Variants in GRM1 observed in about 807,000 individuals in gnomAD.
The protein encoded by GRM1 is glutamate metabotropic receptor 1.
GRM1 carries 33 observed loss-of-function variants against 90.9 expected under a neutral mutation model. The observed-to-expected ratio is 0.36, with a 90% CI of 0.28 to 0.49. The LOEUF (loss-of-function observed/expected upper bound fraction) is 0.49. Ranked by LOEUF, GRM1 falls within the 20% of genes least tolerant of loss-of-function variation. GRM1 has a pLI of 0.99. For synonymous variants in GRM1, 700 were observed against 613.2 expected (o/e 1.14, Z -2.09); for missense variants, 1,190 against 1,534.3 (o/e 0.78, Z 3.75).
Position 146,209,499 on chromosome 6 carries a change from A to C in GRM1, c.950+49902A>C, listed in dbSNP as rs960586883. On this transcript the variant is annotated intron_variant, in intron 2 of 7. Transcript: ENST00000282753. Reference sequence around the variant, plus strand: ...ATGAACCATCACATAAAAGGCTGACAGTCCATGGTGGCTTCAGGCACATGA... The same window carrying C: ...ATGAACCATCACATAAAAGGCTGACCGTCCATGGTGGCTTCAGGCACATGA... Among the ~76,000 whole-genome samples the C allele has an allele frequency of 3.3e-5, 5 of 152,172 alleles. No homozygotes were observed. In the South Asian group the frequency reaches 1.0e-3, roughly 31 times the overall value.
intron 2 of GRM1, among the ~76,000 whole-genome samples, chr6:146,300,299 T>G (rs1428347184): frequency 6.6e-6 from 1 of 152,226 alleles, no homozygotes; most frequent in Non-Finnish European, 1.5e-5. Flanking sequence ...TTACTGTCAG[T>G]TTGCTAATTA....
At position 146,386,952 on chromosome 6, in the gene GRM1, T is replaced by C. The variant is rs774404595; in HGVS notation, c.1665T>C (p.Tyr555=). The C allele has an allele frequency of 6.8e-6, 11 of 1,612,412 alleles. No individual in the cohort carries two copies. Among genetic ancestry groups the C allele is most frequent in the East Asian group, 2.2e-5 (1 of 44,864 alleles). Residue 555 remains tyrosine (Y), a synonymous_variant, in exon 6 of 8, where the codon TAT becomes TAC. Coordinates refer to ENST00000282753, the MANE Select transcript of GRM1 (RefSeq NM_001278064.2). ...GCACGGCCTGCAAAGAGAATGAATA[T>C]GTGCAAGATGAGTTCACCTGCAAAG... ...WICTACKENE[Y]VQDEFTCKAC...
rs1308262302 is a variant in GRM1, at chr6:146,437,195, A to G, written c.*2399A>G. 1 of 152,194 alleles carries G rather than the reference A, an allele frequency of 6.6e-6. No homozygotes were observed. The highest frequency in any genetic ancestry group is 1.5e-5 in the Non-Finnish European group (1 of 68,026). The allele number at this position is 152,194 out of a possible 1,614,324, so 9.4% of individuals were successfully genotyped here. ...CTTATTTTTTACTCTTAATGCCACT[A>G]ATATACATCCCTAATATCACAGGGC... On this transcript the variant is annotated 3_prime_UTR_variant, in exon 8 of 8. Transcript: ENST00000282753.
In GRM1 at chr6:146,437,038, C is replaced by CA. The variant is rs1778614368; in HGVS notation, c.*2242_*2243insA. 6.6e-6 allele frequency: 1 copy of CA among 152,100 alleles called. No homozygotes were observed. The highest frequency in any genetic ancestry group is 2.4e-5 in the African/African-American group (1 of 41,414). The allele number at this position is 152,100 out of a possible 1,614,324, so 9.4% of individuals were successfully genotyped here. Reference sequence around the variant, plus strand: ...AAAGATCTCATGACTGAGATGTGGACTTTGGTTCCATGTTTTCATTGTAAG... The same window carrying CA: ...AAAGATCTCATGACTGAGATGTGGACATTTGGTTCCATGTTTTCATTGTAAG... On this transcript the variant is annotated 3_prime_UTR_variant, in exon 8 of 8. Coordinates refer to ENST00000282753, the MANE Select transcript of GRM1 (RefSeq NM_001278064.2).
chr6:146,389,384 T>A (rs888287881), intron 6 of GRM1, among the ~76,000 whole-genome samples: 7 of 151,094 alleles, frequency 4.6e-5, no homozygotes, highest in East Asian at 1.9e-4. Flanking sequence ...ATTAAAAAAA[T>A]TTCTATCCTA....
intron 2 of GRM1, among the ~76,000 whole-genome samples, chr6:146,223,369 C>T (rs995541282): frequency 1.3e-5 from 2 of 152,050 alleles, no homozygotes; most frequent in Non-Finnish European, 2.9e-5. Context: ...TCTTGAAAAA[C>T]ACTCCAGGAA....
intron 7 of GRM1, among the ~76,000 whole-genome samples, chr6:146,420,517 G>A (rs1777954805): frequency 6.6e-6 from 1 of 152,210 alleles, no homozygotes; most frequent in South Asian, 2.1e-4. Flanking sequence ...CTACTTAGGA[G>A]AGGAAATGGT....
intron 2 of GRM1, among the ~76,000 whole-genome samples, chr6:146,174,007 G>A (rs1429182437): frequency 6.6e-6 from 1 of 151,858 alleles, no homozygotes; most frequent in Non-Finnish European, 1.5e-5. Context: ...TTTATGTCAG[G>A]TGTGCTCACA....
chr6:146,272,599 A>G (rs1454641438), intron 2 of GRM1, among the ~76,000 whole-genome samples: 3 of 152,224 alleles, frequency 2.0e-5, no homozygotes, highest in Non-Finnish European at 2.9e-5. Context: ...TGAGAATACT[A>G]CAAATATTTT....
chr6:146,131,962 G>A (rs1216701342), intron 1 of GRM1, among the ~76,000 whole-genome samples: 1 of 152,164 alleles, frequency 6.6e-6, no homozygotes, highest in East Asian at 1.9e-4. Flanking sequence ...TGATGAATAG[G>A]AGTAAGCCTA....
intron 2 of GRM1, among the ~76,000 whole-genome samples, chr6:146,215,436 A>G (rs573428915): frequency 1.1e-4 from 17 of 152,044 alleles, no homozygotes; most frequent in Non-Finnish European, 2.2e-4. Flanking sequence ...CATACTTCCT[A>G]ATATTACAAA....
chr6:146,152,321 C>T (rs1212395166), intron 1 of GRM1, among the ~76,000 whole-genome samples: 1 of 151,898 alleles, frequency 6.6e-6, no homozygotes, highest in Non-Finnish European at 1.5e-5. Flanking sequence ...ATCAGGCCCA[C>T]TTTCCTTCTT....
intron 1 of GRM1, among the ~76,000 whole-genome samples, chr6:146,104,211 C>T (rs1010028771): frequency 2.6e-5 from 4 of 152,086 alleles, no homozygotes; most frequent in African/African-American, 7.2e-5. Context: ...GAGGCCGAGG[C>T]GGGCGGATCA....
At chr6:146,065,926 A>C (rs1407718088) in intron 1 of GRM1, among the ~76,000 whole-genome samples, 2 of 152,176 alleles carry the variant, frequency 1.3e-5, no homozygotes, top group East Asian at 1.9e-4. Flanking sequence ...CACATAAGAC[A>C]GGCAAGAAGT....
intron 2 of GRM1, among the ~76,000 whole-genome samples, chr6:146,220,791 G>A (rs755058621): frequency 6.6e-6 from 1 of 152,122 alleles, no homozygotes; most frequent in Non-Finnish European, 1.5e-5. Flanking sequence ...TGGGCATCTA[G>A]CATAGAAGTA....
rs1778620709 is a variant in GRM1, at chr6:146,437,244, A to T, written c.*2448A>T. ...GCTTGTGCATTCAGATTTTTAAAAA[A>T]TTAGGATAGATAAGGAAACAACTTA... On this transcript the variant is annotated 3_prime_UTR_variant, in exon 8 of 8. Transcript: ENST00000282753. The T allele has an allele frequency of 6.6e-6, 1 of 152,260 alleles. No homozygotes were observed. The highest frequency in any genetic ancestry group is 2.4e-5 in the African/African-American group (1 of 41,472). The allele number at this position is 152,260 out of a possible 1,614,324, so 9.4% of individuals were successfully genotyped here. A position where few individuals can be genotyped will look rare whatever the true frequency, so the allele number is the denominator to read the frequency against.
intron 1 of GRM1, among the ~76,000 whole-genome samples, chr6:146,140,414 A>G (rs1464135978): frequency 1.3e-5 from 2 of 152,076 alleles, no homozygotes; most frequent in African/African-American, 4.8e-5. Flanking sequence ...AATTACAGGC[A>G]TGCACCACCA....
chr6:146,328,191 T>C (rs1032762691), intron 3 of GRM1, among the ~76,000 whole-genome samples: 1 of 152,234 alleles, frequency 6.6e-6, no homozygotes, highest in African/African-American at 2.4e-5. Flanking sequence ...ATTGCAATCA[T>C]TTATATTGTT....
chr6:146,397,121 A>G (rs1562666669), intron 6 of GRM1, among the ~76,000 whole-genome samples: 1 of 152,196 alleles, frequency 6.6e-6, no homozygotes, highest in Non-Finnish European at 1.5e-5. Context: ...AGTCTTCAAA[A>G]TTATCTTGGT....
Sources: gnomAD v4.1 joint callset for allele counts (sites outside exome capture counted in the v4.1 genomes callset) on GRCh38, gnomAD v4.1.1 for gene constraint, MANE v1.5 for transcripts, NCBI Gene and HGNC (gene_info 2026-07-23, HGNC 2026-07-21) for gene names.